The following KCNIP1 variants were observed in gnomAD, a reference collection of about 807,000 sequenced individuals.
The protein encoded by KCNIP1 is potassium voltage-gated channel interacting protein 1, also known as A-type potassium channel modulatory protein KCNIP1.
Under a neutral mutation model 33.0 loss-of-function variants are expected in KCNIP1, and 18 were observed. That is an observed-to-expected ratio of 0.55 (90% CI 0.38 to 0.81). KCNIP1 has a LOEUF of 0.81. Ranked by LOEUF, KCNIP1 falls within the 30% of genes least tolerant of loss-of-function variation. KCNIP1 has a pLI of 0.00. For synonymous variants in KCNIP1, 93 were observed against 98.3 expected (o/e 0.95, Z 0.32); for missense variants, 238 against 271.6 (o/e 0.88, Z 0.87).
At chr5:170,621,085 C>G (rs146871418) in intron 1 of KCNIP1, among the ~76,000 whole-genome samples, 45 of 152,244 alleles carry the variant, frequency 3.0e-4, no homozygotes, top group African/African-American at 1.0e-3. Context: ...GAGACTCAGG[C>G]CAGAATCCTA....
intron 1 of KCNIP1, among the ~76,000 whole-genome samples, chr5:170,620,012 C>T (rs1489034921): frequency 6.6e-6 from 1 of 152,220 alleles, no homozygotes; most frequent in Admixed American, 6.5e-5. Context: ...CCATAGTCCA[C>T]CACTTACTAA....
chr5:170,456,043 A>C (rs765228118), intron 1 of KCNIP1, among the ~76,000 whole-genome samples: 2 of 152,232 alleles, frequency 1.3e-5, no homozygotes, highest in African/African-American at 2.4e-5. Context: ...CCAATGGCAA[A>C]GACTTGGAAC....
chr5:170,356,054 A>G (rs1003955840), intron 1 of KCNIP1, among the ~76,000 whole-genome samples: 1 of 152,196 alleles, frequency 6.6e-6, no homozygotes, highest in Admixed American at 6.5e-5. Flanking sequence ...AGTGAGGAAC[A>G]TGGGAGCAGG....
intron 1 of KCNIP1, among the ~76,000 whole-genome samples, chr5:170,453,573 G>A (rs570712748): frequency 1.5e-4 from 23 of 152,238 alleles, no homozygotes; most frequent in African/African-American, 5.1e-4. Context: ...TCTGCCTTCT[G>A]GTATTTACAC....
At chr5:170,410,093 T>A (rs1471160895) in intron 1 of KCNIP1, among the ~76,000 whole-genome samples, 1 of 152,236 alleles carries the variant, frequency 6.6e-6, no homozygotes, top group East Asian at 1.9e-4. Flanking sequence ...GGCAAAGCCA[T>A]CAGAGTGCTG....
At chr5:170,417,050 G>T (rs906722242) in intron 1 of KCNIP1, among the ~76,000 whole-genome samples, 2 of 152,180 alleles carry the variant, frequency 1.3e-5, no homozygotes, top group African/African-American at 2.4e-5. Flanking sequence ...TAGTTAGAAG[G>T]ATGCAGTATT....
chr5:170,710,490 C>T (rs1763407589), intron 1 of KCNIP1, among the ~76,000 whole-genome samples: 3 of 152,208 alleles, frequency 2.0e-5, no homozygotes, highest in Admixed American at 2.0e-4. Flanking sequence ...TTCTCTTAGT[C>T]TTGTCTCTTA....
intron 1 of KCNIP1, among the ~76,000 whole-genome samples, chr5:170,458,837 G>T (rs1756446628): frequency 6.6e-6 from 1 of 152,134 alleles, no homozygotes; most frequent in South Asian, 2.1e-4. Context: ...ATAGCATGAA[G>T]AATGTAATGG....
chr5:170,686,768 A>G (rs1762548343), intron 1 of KCNIP1, among the ~76,000 whole-genome samples: 1 of 152,222 alleles, frequency 6.6e-6, no homozygotes, highest in Non-Finnish European at 1.5e-5. Context: ...TCACACAGCC[A>G]TGTGCTTAGT....
intron 1 of KCNIP1, among the ~76,000 whole-genome samples, chr5:170,407,952 C>T (rs1456399546): frequency 6.6e-6 from 1 of 151,934 alleles, no homozygotes; most frequent in Non-Finnish European, 1.5e-5. Context: ...TGTTGAAGCA[C>T]AACTTACTCT....
chr5:170,360,911 A>G (rs1763494934), intron 1 of KCNIP1, among the ~76,000 whole-genome samples: 1 of 152,162 alleles, frequency 6.6e-6, no homozygotes, highest in Non-Finnish European at 1.5e-5. Flanking sequence ...TCCCTTTTTG[A>G]GGTCTGGTCT....
At chr5:170,680,108 C>T (rs1414146643) in intron 1 of KCNIP1, among the ~76,000 whole-genome samples, 2 of 152,174 alleles carry the variant, frequency 1.3e-5, no homozygotes, top group Non-Finnish European at 2.9e-5. Flanking sequence ...AGTGCCTGCT[C>T]TGTTCCCACA....
In KCNIP1 at chr5:170,637,859, T is replaced by A. The variant is rs188712007; in HGVS notation, c.62-80899T>A. ...TAGAAGAAGCAGACTATCTGCTTCT[T>A]CTCCACCCTTAGAATGGTGCTGGGC... is the stretch of plus-strand genomic sequence containing the variant. On this transcript the variant is annotated intron_variant, in intron 1 of 7. Coordinates refer to ENST00000328939, the MANE Select transcript of KCNIP1 (RefSeq NM_014592.4). Among the ~76,000 whole-genome samples, 16 of 152,108 alleles carry A rather than the reference T, an allele frequency of 1.1e-4. 1 individual carries two copies. In the East Asian group the frequency reaches 2.3e-3, roughly 22 times the overall value.
At chr5:170,516,168 C>T (rs1444841448) in intron 1 of KCNIP1, among the ~76,000 whole-genome samples, 2 of 152,114 alleles carry the variant, frequency 1.3e-5, no homozygotes, top group African/African-American at 2.4e-5. Context: ...ATGAGGAAAG[C>T]ACCAAGCAAG....
At chr5:170,702,248 G>A (rs1289826873) in intron 1 of KCNIP1, among the ~76,000 whole-genome samples, 9 of 152,144 alleles carry the variant, frequency 5.9e-5, no homozygotes, top group Non-Finnish European at 4.4e-5. Flanking sequence ...AGTTAATAAG[G>A]TTGTGAAAAG....
rs141114835 is a variant in KCNIP1 at position 170,721,846 on chromosome 5, T to C, written c.270T>C (p.Tyr90=). Residue 90 remains tyrosine, a synonymous_variant, in exon 4 of 8, where the codon TAT becomes TAC. Coordinates refer to ENST00000328939, the MANE Select transcript of KCNIP1 (RefSeq NM_014592.4). ...TCTGCCTTGTAGATGCCAGCACGTA[T>C]GCCCATTACCTCTTCAATGCCTTCG... ...QFFPHGDAST[Y]AHYLFNAFDT... is the part of the protein sequence containing the mutation. The C allele has an allele frequency of 1.3e-4, 216 of 1,614,062 alleles. No homozygotes were observed. The highest frequency in any genetic ancestry group is 1.7e-4 in the Non-Finnish European group (198 of 1,180,038).
At chr5:170,682,790 T>TTTTTTTTTTTTTTG (rs1762400260) in intron 1 of KCNIP1, among the ~76,000 whole-genome samples, 1 of 128,398 alleles carries the variant, frequency 7.8e-6, no homozygotes, top group Non-Finnish European at 1.6e-5. Context: ...GTTTCTTTTT[T>TTTTTTTTTTTTTTG]TTTTTTTTTT....
intron 1 of KCNIP1, chr5:170,377,233 C>G (rs1240981541): frequency 6.6e-6 from 1 of 152,250 alleles, no homozygotes; most frequent in Non-Finnish European, 1.5e-5. Flanking sequence ...GCCACAGAAT[C>G]CCCTACGCAT....
intron 1 of KCNIP1, among the ~76,000 whole-genome samples, chr5:170,360,244 C>T (rs1442271181): frequency 1.3e-5 from 2 of 152,166 alleles, no homozygotes; most frequent in African/African-American, 4.8e-5. Flanking sequence ...CCTTTGCTTC[C>T]CAAGGGTGGA....
Sources: gnomAD v4.1 joint callset for allele counts (sites outside exome capture counted in the v4.1 genomes callset) on GRCh38, gnomAD v4.1.1 for gene constraint, MANE v1.5 for transcripts, NCBI Gene and HGNC (gene_info 2026-07-23, HGNC 2026-07-21) for gene names.